GPR183: variants seen among roughly 807,000 people sequenced by gnomAD.
The protein encoded by GPR183 is G protein-coupled receptor 183, also known as EBV-induced G-protein coupled receptor 2.
In GPR183, 9 loss-of-function variants were observed where a neutral mutation model predicts 19.7. The observed-to-expected ratio is 0.46, with a 90% confidence interval of 0.28 to 0.80. GPR183 has a LOEUF of 0.80. Among genes scored for constraint, GPR183 ranks in the 30% least tolerant of loss-of-function variants. The pLI is 0.13. For synonymous variants in GPR183, 160 were observed against 155.1 expected (o/e 1.03, Z -0.24); for missense variants, 368 against 446.7 (o/e 0.82, Z 1.59).
intron 1 of GPR183, among the ~76,000 whole-genome samples, chr13:99,300,710 A>G (rs1455931467): frequency 1.3e-5 from 2 of 152,186 alleles, no homozygotes; most frequent in Non-Finnish European, 2.9e-5. Flanking sequence ...GAGGGTCTGG[A>G]ACTGAAGGGT....
intron 1 of GPR183, among the ~76,000 whole-genome samples, chr13:99,301,145 G>A (rs977514580): frequency 2.0e-5 from 3 of 152,148 alleles, no homozygotes; most frequent in East Asian, 1.9e-4. Flanking sequence ...GATGCACGTG[G>A]CCCCTCAGCC....
chr13:99,297,823 T>C (rs1259551199), intron 1 of GPR183, among the ~76,000 whole-genome samples: 3 of 151,390 alleles, frequency 2.0e-5, no homozygotes, highest in Non-Finnish European at 2.9e-5. Flanking sequence ...AAAAAAAAAT[T>C]CCAGCTGTTT....
intron 1 of GPR183, among the ~76,000 whole-genome samples, chr13:99,305,487 C>T (rs1247613732): frequency 2.6e-5 from 4 of 152,160 alleles, no homozygotes; most frequent in African/African-American, 9.7e-5. Flanking sequence ...TAAATGTAAG[C>T]TTCTTGAGGA....
At chr13:99,301,644 G>GA (rs80175291) in intron 1 of GPR183, among the ~76,000 whole-genome samples, 4 of 149,546 alleles carry the variant, frequency 2.7e-5, no homozygotes, top group South Asian at 2.1e-4. Flanking sequence ...GCCGCAAAAG[G>GA]AAAAAAAAAT....
chr13:99,295,071 T>G lies in GPR183; in HGVS notation c.1075A>C (p.Asn359His), dbSNP rs769474011. 4 of 1,613,112 alleles carry G rather than the reference T, an allele frequency of 2.5e-6. No individual in the cohort carries two copies. The South Asian group carries it at 3.3e-5, about 13-fold the overall frequency. The change falls in exon 2 of 2, where the codon AAT becomes CAT. Residue 359 changes from asparagine (N) to histidine (H), a missense_variant. Physicochemically the swap from Asn to His is moderately conservative, Grantham distance 68. Coordinates refer to ENST00000376414, the MANE Select transcript of GPR183 (RefSeq NM_004951.5). The surrounding 1 kb of genome is among the most constrained non-coding windows in gnomAD (Gnocchi z 4.1). Reference protein sequence around the residue: ...TQMMIHSKSSNGK With the variant: ...TQMMIHSKSSHGK ...AAATACAATCCATTTCACTTTCCATTTGAAGACTTGGAATGTATCATCATC... is the reference window on the plus strand; with the variant it reads ...AAATACAATCCATTTCACTTTCCATGTGAAGACTTGGAATGTATCATCATC...
intron 1 of GPR183, among the ~76,000 whole-genome samples, chr13:99,306,568 A>G (rs946043556): frequency 1.3e-5 from 2 of 152,124 alleles, no homozygotes; most frequent in Non-Finnish European, 2.9e-5. Flanking sequence ...ACTGCCCTTT[A>G]AAGGAAGTCT....
At chr13:99,300,902 T>C (rs1004001685) in intron 1 of GPR183, among the ~76,000 whole-genome samples, 1 of 152,240 alleles carries the variant, frequency 6.6e-6, no homozygotes, top group Non-Finnish European at 1.5e-5. Flanking sequence ...TATTTTCAGG[T>C]AGAAAATTTA....
At chr13:99,304,040 G>T (rs953071343) in intron 1 of GPR183, among the ~76,000 whole-genome samples, 1 of 152,054 alleles carries the variant, frequency 6.6e-6, no homozygotes, top group African/African-American at 2.4e-5. Flanking sequence ...GCAGCTTCCC[G>T]CCAGGCTCTC....
intron 1 of GPR183, among the ~76,000 whole-genome samples, chr13:99,296,468 A>G (rs1457579890): frequency 6.6e-6 from 1 of 152,236 alleles, no homozygotes; most frequent in East Asian, 1.9e-4. Context: ...TTGTGACAGA[A>G]GGGAATGCAC....
intron 1 of GPR183, among the ~76,000 whole-genome samples, chr13:99,305,956 C>T (rs1323422361): frequency 2.0e-5 from 3 of 152,058 alleles, no homozygotes; most frequent in East Asian, 1.9e-4. Context: ...AGTGCAGTGG[C>T]GCAATCTCGG....
intron 1 of GPR183, among the ~76,000 whole-genome samples, chr13:99,299,534 A>G (rs1375586391): frequency 6.6e-6 from 1 of 152,160 alleles, no homozygotes; most frequent in African/African-American, 2.4e-5. Flanking sequence ...GGCTTTACTC[A>G]TATATTCTAG....
chr13:99,304,733 C>T (rs929128532), intron 1 of GPR183, among the ~76,000 whole-genome samples: 3 of 152,206 alleles, frequency 2.0e-5, no homozygotes, highest in Admixed American at 1.3e-4. Context: ...GAAGGTGAAA[C>T]GGAGGCACCA....
intron 1 of GPR183, among the ~76,000 whole-genome samples, chr13:99,297,952 G>GA (rs78987394): frequency 0.25 from 38,209 of 151,906 alleles, 6,011 homozygotes; most frequent in Non-Finnish European, 0.35. Context: ...ATTAACATCA[G>GA]AAAAAATAGA....
Position 99,295,667 on chromosome 13 carries a change from A to C in GPR183, c.479T>G (p.Phe160Cys). 6.2e-7 allele frequency: 1 copy of C among 1,614,174 alleles called. No individual in the cohort carries two copies. Among genetic ancestry groups the C allele is most frequent in the South Asian group, 1.1e-5 (1 of 91,086 alleles). ...GVCIFVWILV[F>C]AQTLPLLINP... is the part of the protein sequence containing the mutation. ...GATGAGGAGTGGGAGTGTCTGAGCA[A>C]ATACTAGAATCCAGACAAATATGCA... The change falls in exon 2 of 2, where the codon TTT (phenylalanine) becomes TGT (cysteine). Residue 160 changes from phenylalanine (F) to cysteine (C), a missense_variant. By Grantham distance (205) the Phe-to-Cys change is radical (BLOSUM62 -2). Coordinates refer to ENST00000376414, the MANE Select transcript of GPR183 (RefSeq NM_004951.5). This position sits in a 1 kb window ranked among gnomAD's most constrained non-coding sequence, Gnocchi z 4.1.
chr13:99,306,845 A>G (rs1458436392), intron 1 of GPR183, among the ~76,000 whole-genome samples: 1 of 152,172 alleles, frequency 6.6e-6, no homozygotes, highest in East Asian at 1.9e-4. Flanking sequence ...TTGTAGACCA[A>G]AAAGTACCGT....
Position 99,294,652 on chromosome 13 carries a change from G to T in GPR183, c.*408C>A, listed in dbSNP as rs1237495858. On this transcript the variant is annotated 3_prime_UTR_variant, in exon 2 of 2. Transcript: ENST00000376414. Reference sequence around the variant, plus strand: ...GAGGGAATTAAATCTAACATTGAGAGAAATTTGGATTTAAGAAATATGTTA... The same window carrying T: ...GAGGGAATTAAATCTAACATTGAGATAAATTTGGATTTAAGAAATATGTTA... The T allele has an allele frequency of 6.5e-6, 1 of 154,570 alleles. No individual in the cohort carries two copies. The highest frequency in any genetic ancestry group is 2.4e-5 in the African/African-American group (1 of 41,442). The allele number at this position is 154,570 out of a possible 1,614,324, so 9.6% of individuals were successfully genotyped here.
At chr13:99,298,678 T>G (rs2044212997) in intron 1 of GPR183, among the ~76,000 whole-genome samples, 1 of 152,140 alleles carries the variant, frequency 6.6e-6, no homozygotes, top group Non-Finnish European at 1.5e-5. Context: ...AGTTTTACAT[T>G]TTGTGCAGGA....
intron 1 of GPR183, among the ~76,000 whole-genome samples, chr13:99,298,646 A>G (rs2044212510): frequency 1.3e-5 from 2 of 152,224 alleles, no homozygotes; most frequent in African/African-American, 4.8e-5. Context: ...AAATTAATGA[A>G]ATATAAAAGA....
At chr13:99,302,325 A>G (rs1455961002) in intron 1 of GPR183, among the ~76,000 whole-genome samples, 2 of 152,256 alleles carry the variant, frequency 1.3e-5, no homozygotes, top group African/African-American at 4.8e-5. Flanking sequence ...GAGGGGGAAG[A>G]TGAAAGCTCA....
Sources: allele counts gnomAD v4.1 joint callset (sites outside exome capture counted in the v4.1 genomes callset), GRCh38; gene constraint gnomAD v4.1.1; non-coding constraint Gnocchi (gnomAD v3.1); transcripts MANE v1.5; gene names NCBI Gene and HGNC (gene_info 2026-07-23, HGNC 2026-07-21).